Variants in NAV3 observed in about 807,000 individuals in gnomAD.
NAV3 encodes pore membrane and/or filament interacting like protein 1.
Under a neutral mutation model 244.7 loss-of-function variants are expected in NAV3, and 87 were observed. That is an observed-to-expected ratio of 0.36 (90% confidence interval 0.30 to 0.42). The LOEUF (loss-of-function observed/expected upper bound fraction) is 0.42. NAV3 is among the 20% of genes least tolerant of loss of function. NAV3 has a pLI of 1.00. For missense variants in NAV3, 2,663 were observed against 2,893.3 expected (o/e 0.92, Z 1.83); for synonymous variants, 1,126 against 1,042.2 (o/e 1.08, Z -1.55).
intron 12 of NAV3, among the ~76,000 whole-genome samples, chr12:78,106,006 C>A (rs1329960342): frequency 1.3e-5 from 2 of 151,244 alleles, no homozygotes; most frequent in African/African-American, 4.8e-5. Flanking sequence ...TTTTCCTAGA[C>A]TTAAATATTA....
At chr12:77,643,694 A>T (rs1196741355) in intron 2 of NAV3, among the ~76,000 whole-genome samples, 18 of 151,906 alleles carry the variant, frequency 1.2e-4, no homozygotes, top group Admixed American at 1.2e-3. Context: ...TACTTAATTT[A>T]TTCATTCTTA....
At chr12:77,959,974 C>G (rs1210248308) in intron 3 of NAV3, among the ~76,000 whole-genome samples, 1 of 139,892 alleles carries the variant, frequency 7.1e-6, no homozygotes, top group African/African-American at 2.6e-5. Context: ...TATAGCAGGC[C>G]AAATGCTATT....
chr12:77,658,929 T>C (rs900967150), intron 2 of NAV3, among the ~76,000 whole-genome samples: 5 of 152,172 alleles, frequency 3.3e-5, no homozygotes, highest in South Asian at 2.1e-4. Context: ...AAACTGGATC[T>C]GTTCCTTACA....
chr12:77,583,115 A>C (rs1869444481), intron 2 of NAV3, among the ~76,000 whole-genome samples: 1 of 152,216 alleles, frequency 6.6e-6, no homozygotes, highest in Non-Finnish European at 1.5e-5. Context: ...GAATGTATAC[A>C]TTCAGTTCCA....
chr12:77,706,418 T>G (rs145017787), intron 2 of NAV3, among the ~76,000 whole-genome samples: 1 of 151,518 alleles, frequency 6.6e-6, no homozygotes, highest in Non-Finnish European at 1.5e-5. Context: ...TTCAATACAT[T>G]GCTCTATGCC....
intron 2 of NAV3, among the ~76,000 whole-genome samples, chr12:77,771,160 A>G (rs1383824634): frequency 6.6e-6 from 1 of 152,238 alleles, no homozygotes; most frequent in Non-Finnish European, 1.5e-5. Context: ...AACACATGAA[A>G]AAATGCTCAT....
At chr12:78,132,651 T>C (rs1176264599) in intron 18 of NAV3, among the ~76,000 whole-genome samples, 3 of 152,182 alleles carry the variant, frequency 2.0e-5, no homozygotes, top group Admixed American at 2.0e-4. Context: ...CTTATATTTA[T>C]GTGTTTACCA....
intron 22 of NAV3, among the ~76,000 whole-genome samples, chr12:78,149,238 A>G (rs553857857): frequency 1.3e-5 from 2 of 152,244 alleles, no homozygotes; most frequent in Admixed American, 1.3e-4. Context: ...ACAATGTAAG[A>G]GGGGTTGTTA....
chr12:78,001,160 G>A lies in NAV3; in HGVS notation c.880+2684G>A, dbSNP rs189188874. Among the ~76,000 whole-genome samples, 6 of 152,250 alleles carry A rather than the reference G, an allele frequency of 3.9e-5. No individual in the cohort carries two copies. In the East Asian group the frequency reaches 1.2e-3, roughly 29 times the overall value. On this transcript the variant is annotated intron_variant, in intron 7 of 39. Coordinates refer to ENST00000397909, the MANE Select transcript of NAV3 (RefSeq NM_001024383.2). ...ACTAGTTTGCATATATAACTTGGGT[G>A]TGACCAAGCAAGGTGAGAGTTAAGA...
At chr12:78,180,247 A>G (rs1958442645) in intron 29 of NAV3, among the ~76,000 whole-genome samples, 1 of 152,260 alleles carries the variant, frequency 6.6e-6, no homozygotes, top group African/African-American at 2.4e-5. Flanking sequence ...TTATTATTGT[A>G]TACCAGTAAT....
chr12:77,804,910 A>T (rs1175024497), intron 2 of NAV3, among the ~76,000 whole-genome samples: 1 of 152,184 alleles, frequency 6.6e-6, no homozygotes, highest in African/African-American at 2.4e-5. Flanking sequence ...TTATATTCCT[A>T]GGTATTTTAT....
chr12:78,107,894 G>A (rs1954886754), intron 12 of NAV3, among the ~76,000 whole-genome samples: 2 of 151,598 alleles, frequency 1.3e-5, no homozygotes, highest in Admixed American at 1.3e-4. Flanking sequence ...AAACAATAAG[G>A]GAAAAAGAAA....
chr12:77,805,495 C>A (rs769097756), intron 2 of NAV3, among the ~76,000 whole-genome samples: 1 of 152,204 alleles, frequency 6.6e-6, no homozygotes, highest in Non-Finnish European at 1.5e-5. Context: ...GTTGAACCAG[C>A]CTTGCATCCC....
chr12:77,767,298 G>A (rs1041796696), intron 2 of NAV3, among the ~76,000 whole-genome samples: 4 of 152,184 alleles, frequency 2.6e-5, no homozygotes, highest in African/African-American at 9.7e-5. Context: ...GATGTATGAT[G>A]GATTCCTAAT....
At chr12:77,582,875 A>G (rs1360674624) in intron 2 of NAV3, among the ~76,000 whole-genome samples, 1 of 152,190 alleles carries the variant, frequency 6.6e-6, no homozygotes, top group East Asian at 1.9e-4. Flanking sequence ...GCATATCCAC[A>G]CCATTTTTGA....
intron 2 of NAV3, among the ~76,000 whole-genome samples, chr12:77,582,318 T>C (rs1869401882): frequency 6.6e-6 from 1 of 152,218 alleles, no homozygotes; most frequent in Non-Finnish European, 1.5e-5. Flanking sequence ...TGGCATATAG[T>C]ATACTTTCTT....
At chr12:77,862,271 G>A (rs1199774330) in intron 1 of NAV3, among the ~76,000 whole-genome samples, 1 of 151,742 alleles carries the variant, frequency 6.6e-6, no homozygotes, top group East Asian at 1.9e-4. Flanking sequence ...ATAGAAGAGA[G>A]CAGTTAATCA....
At chr12:77,966,174 T>G (rs889226662) in intron 3 of NAV3, 55 bp from the exon 4 acceptor site, 16 of 1,417,076 alleles carry the variant, frequency 1.1e-5, no homozygotes, top group Non-Finnish European at 1.4e-5. Flanking sequence ...TTGGCACATG[T>G]ATTTGTTAAA....
intron 7 of NAV3, among the ~76,000 whole-genome samples, chr12:78,005,756 A>G (rs576129478): frequency 6.6e-6 from 1 of 152,344 alleles, no homozygotes; most frequent in Non-Finnish European, 1.5e-5. Context: ...TCTGGTTTCT[A>G]CAAATGGGAA....
Sources: allele counts gnomAD v4.1 joint callset (sites outside exome capture counted in the v4.1 genomes callset), GRCh38; gene constraint gnomAD v4.1.1; transcripts MANE v1.5; gene names NCBI Gene and HGNC (gene_info 2026-07-23, HGNC 2026-07-21).